Variants in IRF2 observed in about 807,000 individuals in gnomAD.
IRF2 encodes the protein interferon regulatory factor 2.
In IRF2, 15 loss-of-function variants were observed where a neutral mutation model predicts 40.6. The observed-to-expected ratio is 0.37, with a 90% confidence interval of 0.25 to 0.57. The LOEUF (loss-of-function observed/expected upper bound fraction) is 0.57. IRF2 is among the 20% of genes least tolerant of loss of function. IRF2 has a pLI of 0.77. For synonymous variants in IRF2, 151 were observed against 165.5 expected (o/e 0.91, Z 0.67); for missense variants, 317 against 455.7 (o/e 0.70, Z 2.77).
At chr4:184,472,966 G>T (rs1015820293) in intron 1 of IRF2, among the ~76,000 whole-genome samples, 2 of 152,184 alleles carry the variant, frequency 1.3e-5, no homozygotes, top group Non-Finnish European at 2.9e-5. Flanking sequence ...GGGAGACGCC[G>T]GCGCGTGCTG....
chr4:184,460,641 G>A (rs146600341), intron 1 of IRF2, among the ~76,000 whole-genome samples: 3 of 142,412 alleles, frequency 2.1e-5, no homozygotes, highest in East Asian at 2.1e-4. Context: ...ACGCATGCAC[G>A]CACACACACA....
At position 184,431,205 on chromosome 4, in the gene IRF2, C is replaced by T. The variant is rs903035623; in HGVS notation, c.-6-2135G>A. Among the ~76,000 whole-genome samples the T allele has an allele frequency of 4.6e-5, 7 of 152,186 alleles. No individual in the cohort carries two copies. In the East Asian group the frequency reaches 5.8e-4, roughly 13 times the overall value. ...ACCTTAGAGATATTTCACAAGAACA[C>T]GGAATGGCCACAAGGAGTTGCAGAT... On this transcript the variant is annotated intron_variant, in intron 1 of 8. Transcript: ENST00000393593.
chr4:184,411,485 A>G (rs1737071278), intron 5 of IRF2, among the ~76,000 whole-genome samples: 2 of 152,064 alleles, frequency 1.3e-5, no homozygotes, highest in South Asian at 4.1e-4. Context: ...CCCCACTTCA[A>G]AAGAAACCCT....
At chr4:184,462,390 A>G (rs1056365287) in intron 1 of IRF2, among the ~76,000 whole-genome samples, 5 of 152,220 alleles carry the variant, frequency 3.3e-5, no homozygotes, top group Non-Finnish European at 5.9e-5. Context: ...AGTAAAAATA[A>G]ATTGCCTTGG....
chr4:184,426,145 A>C (rs993348206), intron 2 of IRF2, among the ~76,000 whole-genome samples: 1 of 152,136 alleles, frequency 6.6e-6, no homozygotes, highest in African/African-American at 2.4e-5. Context: ...CCTCCCAAGT[A>C]GCTGGGATTA....
At chr4:184,401,763 G>A (rs1736674773) in intron 6 of IRF2, among the ~76,000 whole-genome samples, 2 of 152,204 alleles carry the variant, frequency 1.3e-5, no homozygotes, top group South Asian at 2.1e-4. Context: ...GAGGGAGGGC[G>A]CAGCGATACC....
intron 7 of IRF2, among the ~76,000 whole-genome samples, chr4:184,394,089 T>C (rs1343037802): frequency 6.6e-6 from 1 of 152,234 alleles, no homozygotes; most frequent in Admixed American, 6.5e-5. Flanking sequence ...AATAAAGAAG[T>C]CTGGAGTTGC....
chr4:184,390,123 T>C (rs909708420), intron 8 of IRF2, among the ~76,000 whole-genome samples: 3 of 152,154 alleles, frequency 2.0e-5, no homozygotes, highest in African/African-American at 7.2e-5. Context: ...TCTCATTCAC[T>C]CAAGCGCAGA....
Position 184,408,464 on chromosome 4 carries a change from G to A in IRF2, c.412-189C>T, listed in dbSNP as rs758671640. 2.0e-5 allele frequency among the ~76,000 whole-genome samples: 3 copies of A among 152,168 alleles called. No individual in the cohort carries two copies. Among genetic ancestry groups the A allele is most frequent in the Non-Finnish European group, 4.4e-5 (3 of 68,028 alleles). ...ACATTTCTGCCCAGGGTGCACTGCTGGGTATTCAGCTCCTTCCATTTTCCT... is the reference window on the plus strand; with the variant it reads ...ACATTTCTGCCCAGGGTGCACTGCTAGGTATTCAGCTCCTTCCATTTTCCT... On this transcript the variant is annotated intron_variant, in intron 5 of 8. Coordinates refer to ENST00000393593, the MANE Select transcript of IRF2 (RefSeq NM_002199.4). This position sits in a 1 kb window ranked among gnomAD's most constrained non-coding sequence, Gnocchi z 4.9.
chr4:184,452,696 AG>A (rs1241654349), intron 1 of IRF2, among the ~76,000 whole-genome samples: 1 of 143,604 alleles, frequency 7.0e-6, no homozygotes, highest in African/African-American at 2.5e-5. Flanking sequence ...ATTTGAGCCC[AG>A]GAGGTAGAGG....
At chr4:184,471,926 A>G (rs1188423364) in intron 1 of IRF2, 1 of 152,260 alleles carries the variant, frequency 6.6e-6, no homozygotes, top group Non-Finnish European at 1.5e-5. Flanking sequence ...CAACTCACTG[A>G]GAATGAAATA....
chr4:184,395,472 C>G, intron 7 of IRF2, among the ~76,000 whole-genome samples: 1 of 149,068 alleles, frequency 6.7e-6, no homozygotes, highest in East Asian at 2.0e-4. Context: ...ATGAACAGCC[C>G]AAACAAAGGA....
intron 6 of IRF2, among the ~76,000 whole-genome samples, chr4:184,405,310 G>A (rs1470964762): frequency 6.6e-6 from 1 of 152,174 alleles, no homozygotes; most frequent in Admixed American, 6.5e-5. Flanking sequence ...AATGATCTGG[G>A]AGCGGAAGTG....
intron 7 of IRF2, among the ~76,000 whole-genome samples, chr4:184,395,239 G>A (rs578171647): frequency 1.4e-3 from 212 of 151,852 alleles, no homozygotes; most frequent in African/African-American, 4.9e-3. Context: ...GTGAAACCCC[G>A]TCTCTACTAA....
intron 6 of IRF2, 74 bp from the exon 7 acceptor site, chr4:184,399,153 C>A: frequency 6.8e-7 from 1 of 1,475,328 alleles, no homozygotes; most frequent in South Asian, 1.4e-5. Flanking sequence ...AAGAAAGAGT[C>A]TTCCCCAAAA....
chr4:184,438,265 T>C (rs1009767020), intron 1 of IRF2, among the ~76,000 whole-genome samples: 1 of 152,256 alleles, frequency 6.6e-6, no homozygotes, highest in Non-Finnish European at 1.5e-5. Context: ...TACATCCGTC[T>C]GACTCCAAAG....
At chr4:184,450,508 G>T (rs1004347012) in intron 1 of IRF2, among the ~76,000 whole-genome samples, 3 of 152,080 alleles carry the variant, frequency 2.0e-5, no homozygotes, top group African/African-American at 7.2e-5. Context: ...AACTATTTCT[G>T]CTTATTAGAA....
rs1466885647 is a variant in IRF2 at position 184,410,512 on chromosome 4, CT to C, written c.412-2238del. On this transcript the variant is annotated intron_variant, in intron 5 of 8. Transcript: ENST00000393593. ...TCTCCATCTCTCCAACAGCAGCCTCCTTTCTCAATGGCGTCCTCAATGACCC... is the reference window on the plus strand; with the variant it reads ...TCTCCATCTCTCCAACAGCAGCCTCCTTCTCAATGGCGTCCTCAATGACCC... 4.6e-5 allele frequency among the ~76,000 whole-genome samples: 7 copies of C among 152,206 alleles called. No individual in the cohort carries two copies. The East Asian group carries it at 1.2e-3, about 25-fold the overall frequency.
intron 1 of IRF2, among the ~76,000 whole-genome samples, chr4:184,455,301 CT>C (rs1238177005): frequency 0.27 from 8,757 of 31,852 alleles, 593 homozygotes; most frequent in Non-Finnish European, 0.28. Flanking sequence ...CCTTCTTCTT[CT>C]TTTTTTTTTT....
Sources: allele counts gnomAD v4.1 joint callset (sites outside exome capture counted in the v4.1 genomes callset), GRCh38; gene constraint gnomAD v4.1.1; non-coding constraint Gnocchi (gnomAD v3.1); transcripts MANE v1.5; gene names NCBI Gene and HGNC (gene_info 2026-07-23, HGNC 2026-07-21).